The following AMPH variants were observed in gnomAD, a reference collection of about 807,000 sequenced individuals.
AMPH encodes the protein amphiphysin.
Under a neutral mutation model 99.1 loss-of-function variants are expected in AMPH, and 49 were observed. The ratio of observed to expected loss-of-function variants is 0.49; its 90% CI spans 0.39 to 0.63. AMPH has a LOEUF of 0.63. Ranked by LOEUF, AMPH falls within the 20% of genes least tolerant of loss-of-function variation. The probability of loss-of-function intolerance (pLI) is 0.00; values close to 1 mark genes in which losing one functional copy is unlikely to be tolerated. For synonymous variants in AMPH, 314 were observed against 317.3 expected, an observed-to-expected ratio of 0.99 and a Z score of 0.11; for missense variants, 759 against 863.4, an observed-to-expected ratio of 0.88 and a Z score of 1.52.
chr7:38,550,409 A>C (rs1198536702), intron 1 of AMPH, among the ~76,000 whole-genome samples: 1 of 152,236 alleles, frequency 6.6e-6, no homozygotes, highest in Non-Finnish European at 1.5e-5. Context: ...CAACGTCATT[A>C]TTCTGGGCAT....
intron 11 of AMPH, among the ~76,000 whole-genome samples, chr7:38,440,462 C>G (rs2080286): frequency 0.057 from 8,723 of 152,178 alleles, 641 homozygotes; most frequent in East Asian, 0.35. Context: ...AACTATGCAT[C>G]TACACAAAGG....
chr7:38,565,495 C>T (rs1365744711), intron 1 of AMPH, among the ~76,000 whole-genome samples: 9 of 152,248 alleles, frequency 5.9e-5, no homozygotes, highest in Admixed American at 1.3e-4. Context: ...TTTCTGTGCA[C>T]GTGCTCTTTC....
At chr7:38,395,682 A>G (rs1482415964) in intron 17 of AMPH, among the ~76,000 whole-genome samples, 2 of 152,206 alleles carry the variant, frequency 1.3e-5, no homozygotes, top group Non-Finnish European at 2.9e-5. Flanking sequence ...ATTAGGATTA[A>G]CTATTTTTTC....
intron 2 of AMPH, among the ~76,000 whole-genome samples, chr7:38,529,992 C>T (rs1386327526): frequency 2.0e-5 from 3 of 152,062 alleles, no homozygotes; most frequent in Non-Finnish European, 4.4e-5. Context: ...TTTATATGTA[C>T]ATATACCAGG....
chr7:38,484,720 G>A (rs1051827045), intron 5 of AMPH, among the ~76,000 whole-genome samples: 3 of 151,932 alleles, frequency 2.0e-5, no homozygotes, highest in East Asian at 1.9e-4. Flanking sequence ...TAACAGTGGT[G>A]GGTAAATCAC....
At chr7:38,454,625 T>C (rs1356001147) in intron 11 of AMPH, among the ~76,000 whole-genome samples, 1 of 151,950 alleles carries the variant, frequency 6.6e-6, no homozygotes, top group African/African-American at 2.4e-5. Flanking sequence ...TCAAAATCAG[T>C]AGGAACACTG....
At chr7:38,629,379 G>A (rs1794374891) in intron 1 of AMPH, among the ~76,000 whole-genome samples, 1 of 152,056 alleles carries the variant, frequency 6.6e-6, no homozygotes. Flanking sequence ...CCTTTCCCCA[G>A]TGAAGAAAAT....
chr7:38,496,043 G>A (rs549953154), intron 3 of AMPH, among the ~76,000 whole-genome samples: 4 of 152,314 alleles, frequency 2.6e-5, no homozygotes, highest in East Asian at 3.9e-4. Context: ...CCACATTGAT[G>A]TCTTGGCCTT....
At chr7:38,624,297 ACTTGG>A (rs1377993552) in intron 1 of AMPH, among the ~76,000 whole-genome samples, 2,013 of 152,282 alleles carry the variant, frequency 0.013, 34 homozygotes, top group African/African-American at 0.045. Context: ...TATAATAATC[ACTTGG>A]GACAGAGAAA....
At chr7:38,478,188 G>C (rs1277412747) in intron 5 of AMPH, among the ~76,000 whole-genome samples, 1 of 152,066 alleles carries the variant, frequency 6.6e-6, no homozygotes, top group Non-Finnish European at 1.5e-5. Context: ...TGCAAGGAGA[G>C]AGACCCCTTC....
At chr7:38,392,148 T>A in intron 18 of AMPH, 131 bp from the exon 19 acceptor site, 1 of 894,290 alleles carries the variant, frequency 1.1e-6, no homozygotes, top group Non-Finnish European at 1.7e-6. Flanking sequence ...CTAGCCAGAC[T>A]CAGGTCTGGG....
chr7:38,431,772 T>G (rs1384418061), intron 13 of AMPH, among the ~76,000 whole-genome samples: 1 of 152,208 alleles, frequency 6.6e-6, no homozygotes, highest in Non-Finnish European at 1.5e-5. Flanking sequence ...TAACCCAAGC[T>G]TCATTGAATA....
At chr7:38,515,579 A>T (rs1489280368) in intron 2 of AMPH, among the ~76,000 whole-genome samples, 2 of 152,198 alleles carry the variant, frequency 1.3e-5, no homozygotes, top group African/African-American at 4.8e-5. Flanking sequence ...ACCCAGTTTC[A>T]GGTAGTTCTT....
chr7:38,567,087 C>A (rs1051815341), intron 1 of AMPH, among the ~76,000 whole-genome samples: 1 of 152,144 alleles, frequency 6.6e-6, no homozygotes, highest in African/African-American at 2.4e-5. Context: ...GACATATGCA[C>A]ATGTATGTTT....
At chr7:38,442,787 A>T (rs1786603558) in intron 11 of AMPH, among the ~76,000 whole-genome samples, 1 of 142,032 alleles carries the variant, frequency 7.0e-6, no homozygotes, top group Admixed American at 7.5e-5. Context: ...TACCCTGAAT[A>T]TAAAAAAAAA....
chr7:38,615,345 T>A (rs1793838244), intron 1 of AMPH, among the ~76,000 whole-genome samples: 1 of 152,100 alleles, frequency 6.6e-6, no homozygotes, highest in African/African-American at 2.4e-5. Context: ...CTAACTGGAC[T>A]TGGCACAAGA....
intron 1 of AMPH, among the ~76,000 whole-genome samples, chr7:38,611,511 C>G (rs997221964): frequency 3.2e-4 from 49 of 152,296 alleles, no homozygotes; most frequent in African/African-American, 1.1e-3. Flanking sequence ...CATCTCTTAT[C>G]TGGACAGTGA....
chr7:38,436,456 G>A (rs1053325587), intron 11 of AMPH, 68 bp from the exon 12 acceptor site: 2 of 1,118,826 alleles, frequency 1.8e-6, no homozygotes, highest in Non-Finnish European at 2.7e-6. Flanking sequence ...CCATGATATA[G>A]CCCATGTATA....
chr7:38,477,540 G>C (rs1159844185), intron 5 of AMPH, among the ~76,000 whole-genome samples: 1 of 152,126 alleles, frequency 6.6e-6, no homozygotes, highest in Non-Finnish European at 1.5e-5. Context: ...TGTGCTAATG[G>C]GCAAGCTCTT....
Sources: gnomAD v4.1 joint callset for allele counts (sites outside exome capture counted in the v4.1 genomes callset) on GRCh38, gnomAD v4.1.1 for gene constraint, MANE v1.5 for transcripts, NCBI Gene and HGNC (gene_info 2026-07-23, HGNC 2026-07-21) for gene names.